Variants in VPS13A observed in about 807,000 individuals in gnomAD.
VPS13A encodes the protein vacuolar protein sorting 13 homolog A, also known as intermembrane lipid transfer protein VPS13A.
Under a neutral mutation model 390.9 loss-of-function variants are expected in VPS13A, and 264 were observed. That is an observed-to-expected ratio of 0.68 (90% CI 0.61 to 0.75). VPS13A has a LOEUF of 0.75. Ranked by LOEUF, VPS13A falls within the 30% of genes least tolerant of loss-of-function variation. The probability of loss-of-function intolerance (pLI) is 0.00; values close to 1 mark genes in which losing one functional copy is unlikely to be tolerated. For missense variants in VPS13A, 3,409 were observed against 3,733.9 expected, an observed-to-expected ratio of 0.91 and a Z score of 2.27; for synonymous variants, 1,231 against 1,227.1, an observed-to-expected ratio of 1.00 and a Z score of -0.07.
intron 1 of VPS13A, among the ~76,000 whole-genome samples, chr9:77,182,746 T>A (rs1824098077): frequency 6.6e-6 from 1 of 152,198 alleles, no homozygotes; most frequent in South Asian, 2.1e-4. Flanking sequence ...TTGGACAAAT[T>A]TGTAATTTTT....
At chr9:77,230,377 T>C (rs750021646) in intron 17 of VPS13A, among the ~76,000 whole-genome samples, 1 of 152,118 alleles carries the variant, frequency 6.6e-6, no homozygotes, top group Non-Finnish European at 1.5e-5. Flanking sequence ...TATGTAGGGT[T>C]AGAATCCATT....
At position 77,195,565 on chromosome 9, in the gene VPS13A, C is replaced by A. The variant is rs556599610; in HGVS notation, c.101-4380C>A. On this transcript the variant is annotated intron_variant, in intron 1 of 71. Transcript: ENST00000360280. ...CAGCTTGGCCAACATGACAAAACCC[C>A]GTCTCTACTAAAAATACAAAAATTA... 5.9e-5 allele frequency among the ~76,000 whole-genome samples: 9 copies of A among 152,084 alleles called. 1 individual carries two copies. The highest frequency in any genetic ancestry group is 2.2e-4 in the African/African-American group (9 of 41,516).
At chr9:77,399,167 T>TAATAAAA (rs1834246185) in intron 68 of VPS13A, among the ~76,000 whole-genome samples, 6 of 86,124 alleles carry the variant, frequency 7.0e-5, no homozygotes, top group Non-Finnish European at 1.2e-4. Flanking sequence ...TAGAGTATAA[T>TAATAAAA]AAAAAAAAAA....
intron 67 of VPS13A, among the ~76,000 whole-genome samples, chr9:77,380,813 G>C (rs555432370): frequency 9.7e-4 from 148 of 152,318 alleles, no homozygotes; most frequent in African/African-American, 3.4e-3. Flanking sequence ...CTCATAAGGA[G>C]TGTGCTACCT....
At chr9:77,320,385 ATTTG>A (rs994934209) in intron 42 of VPS13A, among the ~76,000 whole-genome samples, 1 of 152,066 alleles carries the variant, frequency 6.6e-6, no homozygotes, top group African/African-American at 2.4e-5. Context: ...AATGTATATT[ATTTG>A]TTTGAAATAT....
At chr9:77,407,188 TAAC>T (rs1316376572) in intron 70 of VPS13A, among the ~76,000 whole-genome samples, 6 of 152,226 alleles carry the variant, frequency 3.9e-5, no homozygotes, top group African/African-American at 1.4e-4. Flanking sequence ...TATGGCCAGA[TAAC>T]AACTGTGTAA....
chr9:77,235,410 T>C (rs1471131771), intron 17 of VPS13A, among the ~76,000 whole-genome samples: 6 of 152,206 alleles, frequency 3.9e-5, no homozygotes, highest in Admixed American at 1.3e-4. Context: ...AGAAATTAGC[T>C]GTTAATCTAT....
chr9:77,361,144 A>G (rs1331548728), intron 59 of VPS13A, among the ~76,000 whole-genome samples: 26 of 152,144 alleles, frequency 1.7e-4, no homozygotes, highest in Admixed American at 1.0e-3. Context: ...ATCACATACC[A>G]TACATTTCAC....
rs758943576 is a variant in VPS13A, at chr9:77,344,281, G to GTAA, written c.7155_7155+1insTAA (p.Glu2385_Leu2386insTer). 1.9e-6 allele frequency: 3 copies of GTAA among 1,612,726 alleles called. No homozygotes were observed. The African/African-American group carries it at 4.0e-5, about 22-fold the overall frequency. On this transcript the variant is annotated stop_gained and inframe_insertion and splice_region_variant. Transcript: ENST00000360280. LOFTEE classifies it high-confidence loss of function. The stretch of plus-strand genomic sequence containing the variant: ...GTATTCTATTGCGTCTAGATAACGA[G>GTAA]GTAAGTTTTTTTTTCTTTTTTGCAT...
chr9:77,226,038 A>G (rs751326572), intron 14 of VPS13A, 50 bp downstream of exon 14: 30 of 1,494,340 alleles, frequency 2.0e-5, no homozygotes, highest in Non-Finnish European at 2.6e-5. Context: ...TTCCATATAG[A>G]TATGACAGAT....
In VPS13A at chr9:77,207,252, T is replaced by TATATATATACGTATATATATATATAA; in HGVS notation, c.385+1174_385+1175insTATATATACGTATATATATATATAAA. 7.3e-4 allele frequency among the ~76,000 whole-genome samples: 64 copies of TATATATATACGTATATATATATATAA among 87,242 alleles called. 3 individuals are homozygous for TATATATATACGTATATATATATATAA. The highest frequency in any genetic ancestry group is 3.7e-3 in the East Asian group (10 of 2,714). The allele number at this position is 87,242 out of a possible 152,430, so 57.2% of individuals were successfully genotyped here. A position where few individuals can be genotyped will look rare whatever the true frequency, so the allele number is the denominator to read the frequency against. On this transcript the variant is annotated intron_variant, in intron 5 of 71. Coordinates refer to ENST00000360280, the MANE Select transcript of VPS13A (RefSeq NM_033305.3). ...ATATATATATATATATATATATATA[T>TATATATATACGTATATATATATATAA]AAAACGTGTTATATGTAACATAACA...
chr9:77,406,669 A>C (rs1345996512), intron 70 of VPS13A, among the ~76,000 whole-genome samples: 1 of 150,874 alleles, frequency 6.6e-6, no homozygotes, highest in Non-Finnish European at 1.5e-5. Flanking sequence ...TGCCTGCCTC[A>C]GCCTCCCAAA....
chr9:77,225,570 A>G (rs1252241162), intron 13 of VPS13A, among the ~76,000 whole-genome samples: 1 of 152,092 alleles, frequency 6.6e-6, no homozygotes, highest in African/African-American at 2.4e-5. Context: ...TTAGTTGAAA[A>G]TGTAACTAAT....
chr9:77,259,345 A>G (rs2131291245), intron 22 of VPS13A, among the ~76,000 whole-genome samples: 1 of 152,362 alleles, frequency 6.6e-6, no homozygotes, highest in Non-Finnish European at 1.5e-5. Flanking sequence ...AATGTTTAAC[A>G]AAGTTAAACT....
intron 45 of VPS13A, among the ~76,000 whole-genome samples, chr9:77,324,064 TA>T (rs1564729400): frequency 6.6e-6 from 1 of 152,154 alleles, no homozygotes; most frequent in Non-Finnish European, 1.5e-5. Context: ...ATCAATTTTA[TA>T]AAAAATCTGG....
chr9:77,211,456 G>C (rs13297064), intron 7 of VPS13A: 1 of 152,074 alleles, frequency 6.6e-6, no homozygotes, highest in Non-Finnish European at 1.5e-5. Context: ...TTTAACTGCT[G>C]TGTATTTCAT....
chr9:77,375,626 A>G (rs1833025447), intron 67 of VPS13A, among the ~76,000 whole-genome samples: 1 of 152,248 alleles, frequency 6.6e-6, no homozygotes, highest in African/African-American at 2.4e-5. Flanking sequence ...TAAAAGCACA[A>G]CTTGACAAAA....
At chr9:77,253,542 T>G (rs952091255) in intron 22 of VPS13A, among the ~76,000 whole-genome samples, 1 of 152,166 alleles carries the variant, frequency 6.6e-6, no homozygotes, top group African/African-American at 2.4e-5. Flanking sequence ...CCTGACCTTG[T>G]GATCCACCCG....
At chr9:77,257,145 T>C (rs1049820015) in intron 22 of VPS13A, among the ~76,000 whole-genome samples, 5 of 152,178 alleles carry the variant, frequency 3.3e-5, no homozygotes, top group African/African-American at 1.2e-4. Context: ...CCTCTCTCAT[T>C]TCCAGTTTTG....
Sources: allele counts gnomAD v4.1 joint callset (sites outside exome capture counted in the v4.1 genomes callset), GRCh38; gene constraint gnomAD v4.1.1; transcripts MANE v1.5; gene names NCBI Gene and HGNC (gene_info 2026-07-23, HGNC 2026-07-21).